CDH18: variants seen among roughly 807,000 people sequenced by gnomAD.
The protein encoded by CDH18 is cadherin 18.
A neutral mutation model predicts 67.9 loss-of-function variants in CDH18; 31 were observed. The ratio of observed to expected loss-of-function variants is 0.46; its 90% CI spans 0.34 to 0.62. The LOEUF (loss-of-function observed/expected upper bound fraction) is 0.62. Ranked by LOEUF, CDH18 falls within the 20% of genes least tolerant of loss-of-function variation. CDH18 has a pLI of 0.01. For missense variants in CDH18, 890 were observed against 975.5 expected, an observed-to-expected ratio of 0.91 and a Z score of 1.17; for synonymous variants, 362 against 347.2, an observed-to-expected ratio of 1.04 and a Z score of -0.48.
At chr5:20,082,895 G>A (rs768702966) in intron 2 of CDH18, among the ~76,000 whole-genome samples, 1 of 152,118 alleles carries the variant, frequency 6.6e-6, no homozygotes, top group Non-Finnish European at 1.5e-5. Flanking sequence ...AGCTCTCAGA[G>A]GAATCAACCC....
chr5:19,851,110 T>C (rs1783633867), intron 2 of CDH18, among the ~76,000 whole-genome samples: 1 of 151,826 alleles, frequency 6.6e-6, no homozygotes, highest in South Asian at 2.1e-4. Flanking sequence ...CAGTATAATG[T>C]CCTCGAGAGT....
chr5:19,947,853 T>G (rs1224845758), intron 2 of CDH18, among the ~76,000 whole-genome samples: 1 of 151,974 alleles, frequency 6.6e-6, no homozygotes, highest in Non-Finnish European at 1.5e-5. Flanking sequence ...TTACAGACAG[T>G]GAGAAAATAT....
chr5:20,456,187 C>T (rs1164495845), intron 1 of CDH18, among the ~76,000 whole-genome samples: 2 of 152,012 alleles, frequency 1.3e-5, no homozygotes, highest in Non-Finnish European at 2.9e-5. Flanking sequence ...AGACTCACGA[C>T]ATGTAAATAT....
chr5:20,245,242 T>C (rs760491566), intron 2 of CDH18, among the ~76,000 whole-genome samples: 14 of 152,270 alleles, frequency 9.2e-5, no homozygotes, highest in Non-Finnish European at 1.6e-4. Flanking sequence ...AAGATGGCAT[T>C]ATATTGTAGC....
At chr5:20,168,461 T>A (rs1465509398) in intron 2 of CDH18, among the ~76,000 whole-genome samples, 1 of 151,998 alleles carries the variant, frequency 6.6e-6, no homozygotes, top group Non-Finnish European at 1.5e-5. Flanking sequence ...AATAGAAAAT[T>A]CTTAAATCTA....
At chr5:19,520,969 C>T (rs1579975043) in intron 9 of CDH18, among the ~76,000 whole-genome samples, 191 bp from the exon 10 acceptor site, 1 of 152,076 alleles carries the variant, frequency 6.6e-6, no homozygotes, top group Admixed American at 6.6e-5. Context: ...AAAATGAACA[C>T]CATGGCATGA....
intron 1 of CDH18, among the ~76,000 whole-genome samples, chr5:20,259,763 C>A (rs1225646770): frequency 1.3e-5 from 2 of 152,076 alleles, no homozygotes; most frequent in Non-Finnish European, 2.9e-5. Context: ...GTCCCCCTAG[C>A]CCCTGTGTTG....
At chr5:20,255,336 T>C (rs1444600442) in intron 2 of CDH18, 1 of 152,194 alleles carries the variant, frequency 6.6e-6, no homozygotes, top group Non-Finnish European at 1.5e-5. Context: ...AGAGAAATTA[T>C]GACAACAATT....
intron 1 of CDH18, among the ~76,000 whole-genome samples, chr5:20,507,503 C>G (rs936769785): frequency 6.6e-6 from 1 of 152,082 alleles, no homozygotes; most frequent in Admixed American, 6.6e-5. Flanking sequence ...TATAGATTTT[C>G]ATGAGAACAC....
At position 20,073,423 on chromosome 5, in the gene CDH18, A is replaced by G. The variant is rs576008385; in HGVS notation, c.-517-81409T>C. ...CCCCTTGAGTGCATTCAAGTCCAGT[A>G]GAATGTTTCACTGCATTTTGAACCA... is the stretch of plus-strand genomic sequence containing the variant. On this transcript the variant is annotated intron_variant, in intron 2 of 14. Coordinates refer to the CDH18 transcript ENST00000507958. 1.7e-4 allele frequency among the ~76,000 whole-genome samples: 26 copies of G among 152,152 alleles called. No individual in the cohort carries two copies. In the South Asian group the frequency reaches 5.0e-3, roughly 29 times the overall value.
rs190487149 is a variant in CDH18 at position 19,739,825 on chromosome 5, C to T, written c.523+7117G>A. On this transcript the variant is annotated intron_variant, in intron 4 of 12. Coordinates refer to ENST00000382275, the MANE Select transcript of CDH18 (RefSeq NM_004934.5). ...TTTTAAATGGCTACTAGAATCTTGGCAGATGTCCAGGGTGAACATCCCAAG... is the reference window on the plus strand; with the variant it reads ...TTTTAAATGGCTACTAGAATCTTGGTAGATGTCCAGGGTGAACATCCCAAG... Among the ~76,000 whole-genome samples, 298 of 152,178 alleles carry T rather than the reference C, an allele frequency of 2.0e-3. 1 individual carries two copies. The highest frequency in any genetic ancestry group is 0.01 in the Middle Eastern group (3 of 294).
chr5:19,580,779 C>T (rs568196543), intron 7 of CDH18, among the ~76,000 whole-genome samples: 15 of 151,990 alleles, frequency 9.9e-5, no homozygotes, highest in Admixed American at 1.3e-4. Context: ...TAAACTCAGG[C>T]AGAGGAAGTG....
intron 1 of CDH18, among the ~76,000 whole-genome samples, chr5:20,276,878 C>A (rs1216194163): frequency 1.3e-5 from 2 of 152,056 alleles, no homozygotes; most frequent in African/African-American, 4.8e-5. Flanking sequence ...AGTAGCCAGG[C>A]AGTACTGGCC....
intron 1 of CDH18, among the ~76,000 whole-genome samples, chr5:20,447,125 T>C (rs991570776): frequency 7.9e-5 from 12 of 152,206 alleles, no homozygotes; most frequent in Non-Finnish European, 1.3e-4. Flanking sequence ...ATTTTCCTTT[T>C]ATCCTTTTTC....
chr5:19,767,988 C>T (rs1455996031), intron 3 of CDH18, among the ~76,000 whole-genome samples: 1 of 152,258 alleles, frequency 6.6e-6, no homozygotes, highest in Non-Finnish European at 1.5e-5. Context: ...CTATTCCCCT[C>T]CCTCCACCTC....
chr5:20,323,657 T>C (rs1738251757), intron 1 of CDH18, among the ~76,000 whole-genome samples: 1 of 152,228 alleles, frequency 6.6e-6, no homozygotes, highest in Non-Finnish European at 1.5e-5. Flanking sequence ...GAAGTTCTTT[T>C]TCTCAAATTC....
intron 1 of CDH18, among the ~76,000 whole-genome samples, chr5:20,507,598 A>G (rs141876889): frequency 9.8e-4 from 150 of 152,308 alleles, no homozygotes; most frequent in Middle Eastern, 3.4e-3. Flanking sequence ...GATATCCTCA[A>G]AGTAAAAGAA....
At chr5:19,662,872 C>A (rs999022895) in intron 5 of CDH18, among the ~76,000 whole-genome samples, 1 of 151,896 alleles carries the variant, frequency 6.6e-6, no homozygotes, top group Non-Finnish European at 1.5e-5. Context: ...AGTAGGTAGG[C>A]CTAGCTTATA....
chr5:20,560,878 G>T (rs1389840642), intron 1 of CDH18, among the ~76,000 whole-genome samples: 1 of 151,940 alleles, frequency 6.6e-6, no homozygotes, highest in Non-Finnish European at 1.5e-5. Context: ...TTTCAAAAAG[G>T]TCTATTATCC....
Sources: gnomAD v4.1 joint callset for allele counts (sites outside exome capture counted in the v4.1 genomes callset) on GRCh38, gnomAD v4.1.1 for gene constraint, MANE v1.5 for transcripts, NCBI Gene and HGNC (gene_info 2026-07-23, HGNC 2026-07-21) for gene names.